Variants in SPATS1 observed in about 807,000 individuals in gnomAD.
SPATS1 encodes the protein spermatogenesis-associated serine-rich protein 1.
SPATS1 carries 23 observed loss-of-function variants against 33.6 expected under a neutral mutation model. That is an observed-to-expected ratio of 0.68 (90% CI 0.49 to 0.97). SPATS1 has a LOEUF of 0.97. SPATS1 is among the 50% of genes least tolerant of loss of function. The pLI, the probability that SPATS1 is intolerant of heterozygous loss-of-function variation, is 0.00. For synonymous variants in SPATS1, 131 were observed against 125.6 expected, an observed-to-expected ratio of 1.04 and a Z score of -0.29; for missense variants, 327 against 361.0, an observed-to-expected ratio of 0.91 and a Z score of 0.76.
intron 5 of SPATS1, among the ~76,000 whole-genome samples, chr6:44,366,952 T>C (rs1284362341): frequency 6.6e-6 from 1 of 152,162 alleles, no homozygotes; most frequent in Non-Finnish European, 1.5e-5. Flanking sequence ...GAACTAGAAA[T>C]TGCAGGAGTG....
At position 44,362,006 on chromosome 6, in the gene SPATS1, C is replaced by T. The variant is rs1353079001; in HGVS notation, c.574+14C>T. Reference sequence around the variant, plus strand: ...GAAAGAAATACGGTGATGTTTCCTTCTGGGTCTTGACTGTGCAGTCCCCGA... The same window carrying T: ...GAAAGAAATACGGTGATGTTTCCTTTTGGGTCTTGACTGTGCAGTCCCCGA... On this transcript the variant is annotated intron_variant, in intron 5 of 8. Transcript: ENST00000674044. 1.1e-5 allele frequency: 18 copies of T among 1,614,032 alleles called. No individual in the cohort carries two copies. The highest frequency in any genetic ancestry group is 1.5e-5 in the Non-Finnish European group (18 of 1,180,006).
At chr6:44,348,433 T>C (rs866884299) in intron 2 of SPATS1, among the ~76,000 whole-genome samples, 39 of 152,292 alleles carry the variant, frequency 2.6e-4, no homozygotes, top group Middle Eastern at 3.4e-3. Context: ...TAAAATCTTT[T>C]CGGGGGGAGA....
intron 2 of SPATS1, among the ~76,000 whole-genome samples, chr6:44,343,955 T>A (rs1787718832): frequency 6.6e-6 from 1 of 152,018 alleles, no homozygotes; most frequent in South Asian, 2.1e-4. Flanking sequence ...ATTCTGGGTG[T>A]GTGATCTCCT....
At chr6:44,368,604 T>C (rs905534208) in intron 6 of SPATS1, 105 bp downstream of exon 6, 9 of 1,090,608 alleles carry the variant, frequency 8.3e-6, no homozygotes, top group Non-Finnish European at 1.0e-5. Context: ...CAACAAGATG[T>C]GATTGGATGA....
intron 3 of SPATS1, 99 bp from the exon 4 acceptor site, chr6:44,360,347 A>C (rs1321987979): frequency 1.6e-5 from 23 of 1,463,254 alleles, no homozygotes; most frequent in Non-Finnish European, 2.0e-5. Context: ...GAGTAGTCCC[A>C]GTTCTCATAA....
At chr6:44,349,653 G>C (rs1256326013) in intron 2 of SPATS1, among the ~76,000 whole-genome samples, 1 of 152,108 alleles carries the variant, frequency 6.6e-6, no homozygotes, top group Non-Finnish European at 1.5e-5. Flanking sequence ...ACAATTGATG[G>C]TGCCTTATAT....
chr6:44,345,070 T>C (rs1787792796), intron 2 of SPATS1, among the ~76,000 whole-genome samples: 1 of 152,126 alleles, frequency 6.6e-6, no homozygotes, highest in African/African-American at 2.4e-5. Context: ...TGGATGGTAC[T>C]CTATGCAGTG....
At position 44,343,143 on chromosome 6, in the gene SPATS1, C is replaced by T. The variant is rs139954152; in HGVS notation, c.48C>T (p.Leu16=). ...GAAACAGTCCACGGGGCTGCCGTCT[C>T]CCCTCCATCTCAAGCACGACCTGCG... The part of the protein sequence containing the change: ...LTGNSPRGCR[L]PSISSTTCGR... Residue 16 remains leucine (L), a synonymous_variant, in exon 2 of 9, where the codon CTC becomes CTT. Transcript: ENST00000674044. The T allele has an allele frequency of 1.2e-4, 188 of 1,614,160 alleles. No homozygotes were observed. The African/African-American group carries it at 2.0e-3, about 17-fold the overall frequency.
chr6:44,377,114 T>G lies in SPATS1; in HGVS notation c.*51T>G, dbSNP rs747434268. The G allele has an allele frequency of 6.2e-7, 1 of 1,609,158 alleles. No individual in the cohort carries two copies. The highest frequency in any genetic ancestry group is 2.2e-5 in the East Asian group (1 of 44,856). On this transcript the variant is annotated 3_prime_UTR_variant, in exon 9 of 9. Coordinates refer to ENST00000674044, the MANE Select transcript of SPATS1 (RefSeq NM_001372081.1). ...GCTGACTGCACTCTGGCGACCCTTT[T>G]CCAGTTGATGTTTTTTGTCATGTGA... is the stretch of plus-strand genomic sequence containing the variant.
chr6:44,351,719 A>G lies in SPATS1; in HGVS notation c.140-1007A>G, dbSNP rs116734834. Among the ~76,000 whole-genome samples the G allele has an allele frequency of 6.7e-3, 1,024 of 152,336 alleles. 8 individuals are homozygous for G. The highest frequency in any genetic ancestry group is 0.023 in the African/African-American group (958 of 41,572). On this transcript the variant is annotated intron_variant, in intron 2 of 8. Transcript: ENST00000674044. ...GGATATTCTTCTATGTCTGACACTC[A>G]CTGGTTTTCAGGACTCCCTTACTTG...
intron 8 of SPATS1, 51 bp downstream of exon 8, chr6:44,376,524 G>A (rs756201562): frequency 1.7e-5 from 22 of 1,309,586 alleles, no homozygotes; most frequent in South Asian, 5.1e-5. Flanking sequence ...GGAGTCCGCC[G>A]GGTATGGTGG....
intron 6 of SPATS1, among the ~76,000 whole-genome samples, chr6:44,369,317 G>T (rs1036592123): frequency 1.3e-5 from 2 of 151,546 alleles, no homozygotes; most frequent in African/African-American, 2.4e-5. Context: ...CCAAGGGTGG[G>T]GTGGGGTGGA....
At chr6:44,357,768 A>G (rs1164721909) in intron 3 of SPATS1, among the ~76,000 whole-genome samples, 1 of 152,144 alleles carries the variant, frequency 6.6e-6, no homozygotes, top group Non-Finnish European at 1.5e-5. Flanking sequence ...CCCAGTTTTA[A>G]TGAGTATTCT....
intron 6 of SPATS1, 145 bp downstream of exon 6, chr6:44,368,644 AT>A (rs1789391868): frequency 1.4e-6 from 1 of 713,006 alleles, no homozygotes; most frequent in Non-Finnish European, 2.1e-6. Context: ...TCTTTAGTTA[AT>A]TAATGTCTGC....
rs528737917 is a variant in SPATS1 at position 44,376,529 on chromosome 6, T to C, written c.874+56T>C. ...AAAAACTGGAGGAGTCCGCCGGGTATGGTGGCTCACTCCTGTAATCCCAGC... is the reference window on the plus strand; with the variant it reads ...AAAAACTGGAGGAGTCCGCCGGGTACGGTGGCTCACTCCTGTAATCCCAGC... On this transcript the variant is annotated intron_variant, in intron 8 of 8. Coordinates refer to ENST00000674044, the MANE Select transcript of SPATS1 (RefSeq NM_001372081.1). 8.4e-3 allele frequency: 10,684 copies of C among 1,274,842 alleles called. 56 individuals carry two copies. Among genetic ancestry groups the C allele is most frequent in the Non-Finnish European group, 9.7e-3 (8,759 of 901,986 alleles). The allele number at this position is 1,274,842 out of a possible 1,614,324, so 79.0% of individuals were successfully genotyped here. A position where few individuals can be genotyped will look rare whatever the true frequency, so the allele number is the denominator to read the frequency against.
intron 2 of SPATS1, among the ~76,000 whole-genome samples, chr6:44,349,541 G>A (rs1788111333): frequency 6.6e-6 from 1 of 152,096 alleles, no homozygotes; most frequent in South Asian, 2.1e-4. Context: ...TTAAAAGAAT[G>A]CATCAATAAG....
At position 44,378,176 on chromosome 6, in the gene SPATS1, C is replaced by G. The variant is rs1790056171; in HGVS notation, c.*1113C>G. ...GACCACCAGTCATGAGTTTTAGGGC[C>G]TCCTGTCAATCAGACAAGAAGCAAA... is the stretch of plus-strand genomic sequence containing the variant. On this transcript the variant is annotated 3_prime_UTR_variant, in exon 9 of 9. Transcript: ENST00000674044. The G allele has an allele frequency of 6.6e-6, 1 of 152,078 alleles. No individual in the cohort carries two copies. Among genetic ancestry groups the G allele is most frequent in the African/African-American group, 2.4e-5 (1 of 41,382 alleles). The allele number at this position is 152,078 out of a possible 1,614,324, so 9.4% of individuals were successfully genotyped here.
At chr6:44,349,288 CA>C (rs35407623) in intron 2 of SPATS1, among the ~76,000 whole-genome samples, 5,071 of 72,540 alleles carry the variant, frequency 0.07, 121 homozygotes, top group African/African-American at 0.2. Context: ...GACTCTGGCT[CA>C]AAAAAAAAAA....
At chr6:44,375,057 A>G (rs1789844274) in intron 7 of SPATS1, among the ~76,000 whole-genome samples, 2 of 152,216 alleles carry the variant, frequency 1.3e-5, no homozygotes, top group Admixed American at 1.3e-4. Flanking sequence ...TCCCAGAGTC[A>G]CACTTCCTAC....
Sources: allele counts gnomAD v4.1 joint callset (sites outside exome capture counted in the v4.1 genomes callset), GRCh38; gene constraint gnomAD v4.1.1; transcripts MANE v1.5; gene names NCBI Gene and HGNC (gene_info 2026-07-23, HGNC 2026-07-21).